DPF3: variants seen among roughly 807,000 people sequenced by gnomAD.
The protein encoded by DPF3 is double PHD fingers 3.
Under a neutral mutation model 56.8 loss-of-function variants are expected in DPF3, and 18 were observed. The observed-to-expected ratio is 0.32, with a 90% CI of 0.22 to 0.47. DPF3 has a LOEUF of 0.47. Among genes scored for constraint, DPF3 ranks in the 20% least tolerant of loss-of-function variants. DPF3 has a pLI of 1.00. For synonymous variants in DPF3, 188 were observed against 180.2 expected (o/e 1.04, Z -0.35); for missense variants, 403 against 488.8 (o/e 0.82, Z 1.65).
rs1430574219 is a variant in DPF3 at position 72,674,008 on chromosome 14, G to C, written c.871+232C>G. ...AAATATGCACCTCATGGAAAGGCCA[G>C]ACACAAACCCAAAACTTCTCTTTGC... On this transcript the variant is annotated intron_variant, in intron 8 of 10. Transcript: ENST00000556509. 19 of 561,730 alleles carry C rather than the reference G, an allele frequency of 3.4e-5. No individual in the cohort carries two copies. The East Asian group carries it at 6.1e-4, about 18-fold the overall frequency. The allele number at this position is 561,730 out of a possible 1,614,324, so 34.8% of individuals were successfully genotyped here.
intron 7 of DPF3, among the ~76,000 whole-genome samples, chr14:72,690,568 AC>A (rs1887634378): frequency 6.6e-6 from 1 of 151,368 alleles, no homozygotes; most frequent in South Asian, 2.1e-4. Context: ...ACGCACACAC[AC>A]AACGTACATA....
At chr14:72,760,530 TA>T (rs1891027203) in intron 2 of DPF3, among the ~76,000 whole-genome samples, 1 of 152,160 alleles carries the variant, frequency 6.6e-6, no homozygotes, top group East Asian at 1.9e-4. Context: ...TTTCAGTAAT[TA>T]AAATGTGGAT....
chr14:72,698,377 A>G (rs910062473), intron 6 of DPF3, among the ~76,000 whole-genome samples: 1 of 152,248 alleles, frequency 6.6e-6, no homozygotes, highest in African/African-American at 2.4e-5. Context: ...AGGCTAATGT[A>G]TATTTTCAAA....
At chr14:72,678,258 C>T (rs1887001589) in intron 7 of DPF3, among the ~76,000 whole-genome samples, 1 of 152,218 alleles carries the variant, frequency 6.6e-6, no homozygotes, top group South Asian at 2.1e-4. Context: ...CAGAGGTAAA[C>T]ACTTTGCAGC....
chr14:72,624,908 C>T (rs934275541), intron 9 of DPF3, among the ~76,000 whole-genome samples: 3 of 152,128 alleles, frequency 2.0e-5, no homozygotes, highest in African/African-American at 4.8e-5. Context: ...CGCATCATAT[C>T]GGGGGAAATT....
At chr14:72,853,034 C>CGTGTGTGTGTGTGTGT (rs10522943) in intron 1 of DPF3, among the ~76,000 whole-genome samples, 19,250 of 143,710 alleles carry the variant, frequency 0.13, 1,724 homozygotes, top group South Asian at 0.2. Flanking sequence ...CATAGCCTTG[C>CGTGTGTGTGTGTGTGT]GTGTGTGTGT....
intron 1 of DPF3, among the ~76,000 whole-genome samples, chr14:72,867,499 C>T (rs1435363107): frequency 6.6e-6 from 1 of 152,128 alleles, no homozygotes. Context: ...AACCTTCTCC[C>T]TCTCTGGCCG....
chr14:72,812,544 A>T (rs905436978), intron 1 of DPF3, among the ~76,000 whole-genome samples: 1 of 151,956 alleles, frequency 6.6e-6, no homozygotes, highest in Non-Finnish European at 1.5e-5. Context: ...AACACTTCCC[A>T]TGACGTCACC....
At position 72,814,952 on chromosome 14, in the gene DPF3, C is replaced by T. The variant is rs537773907; in HGVS notation, c.33-43059G>A. The stretch of plus-strand genomic sequence containing the variant: ...ATTTTCTTAAATAGGACATAAAATG[C>T]ATGAGTCGTAAAGGAAAAAAATTGA... On this transcript the variant is annotated intron_variant, in intron 1 of 10. Transcript: ENST00000556509. 4.6e-5 allele frequency among the ~76,000 whole-genome samples: 7 copies of T among 152,184 alleles called. No individual in the cohort carries two copies. The East Asian group carries it at 1.3e-3, about 29-fold the overall frequency.
chr14:72,732,501 G>T (rs1280358468), intron 3 of DPF3, among the ~76,000 whole-genome samples: 2 of 152,350 alleles, frequency 1.3e-5, no homozygotes, highest in East Asian at 1.9e-4. Flanking sequence ...GCCTCAGAAA[G>T]GTTGTTCTCT....
intron 1 of DPF3, among the ~76,000 whole-genome samples, chr14:72,892,964 G>A (rs1210028500): frequency 2.8e-5 from 2 of 71,196 alleles, no homozygotes; most frequent in African/African-American, 1.6e-4. Flanking sequence ...AGGAAGGAAG[G>A]AAGGAAGGAA....
At chr14:72,637,547 C>T (rs1314195731) in intron 8 of DPF3, among the ~76,000 whole-genome samples, 1 of 152,136 alleles carries the variant, frequency 6.6e-6, no homozygotes, top group Non-Finnish European at 1.5e-5. Flanking sequence ...AATCCAAACC[C>T]CTGCCCTCAA....
rs1884066657 is a variant in DPF3, at chr14:72,616,038, G to A, written c.*3259C>T. On this transcript the variant is annotated 3_prime_UTR_variant, in exon 11 of 11. Coordinates refer to ENST00000556509, the MANE Select transcript of DPF3 (RefSeq NM_001280542.3). Reference sequence around the variant, plus strand: ...TCATTATCTCCATTTGGTGGCCTCTGCAGAAAATGACAATAGCTACCATGG... The same window carrying A: ...TCATTATCTCCATTTGGTGGCCTCTACAGAAAATGACAATAGCTACCATGG... 6.6e-6 allele frequency among the ~76,000 whole-genome samples: 1 copy of A among 152,196 alleles called. No homozygotes were observed. The highest frequency in any genetic ancestry group is 2.1e-4 in the South Asian group (1 of 4,822).
intron 8 of DPF3, among the ~76,000 whole-genome samples, chr14:72,632,026 G>A (rs1467803528): frequency 6.6e-6 from 1 of 152,200 alleles, no homozygotes; most frequent in Non-Finnish European, 1.5e-5. Flanking sequence ...GGAAGAGAAA[G>A]GCCAGTGAGC....
At chr14:72,627,714 G>C (rs1450450506) in intron 9 of DPF3, among the ~76,000 whole-genome samples, 3 of 152,038 alleles carry the variant, frequency 2.0e-5, no homozygotes, top group Non-Finnish European at 4.4e-5. Context: ...TATTGGACCT[G>C]AGATAAATTT....
At chr14:72,872,217 G>A (rs1885928484) in intron 1 of DPF3, among the ~76,000 whole-genome samples, 1 of 151,826 alleles carries the variant, frequency 6.6e-6, no homozygotes, top group Non-Finnish European at 1.5e-5. Context: ...GGAGACCCTG[G>A]GCACCCACGA....
At position 72,611,850 on chromosome 14, in the gene DPF3, C is replaced by A. The variant is rs1485771919; in HGVS notation, c.*7447G>T. ...GATGCCTCCACCTGCTTGTCTTCTACTGAGGAACACGCATCCTCAACAGAG... is the reference window on the plus strand; with the variant it reads ...GATGCCTCCACCTGCTTGTCTTCTAATGAGGAACACGCATCCTCAACAGAG... On this transcript the variant is annotated 3_prime_UTR_variant, in exon 11 of 11. Coordinates refer to ENST00000556509, the MANE Select transcript of DPF3 (RefSeq NM_001280542.3). Among the ~76,000 whole-genome samples, 2 of 152,130 alleles carry A rather than the reference C, an allele frequency of 1.3e-5. No homozygotes were observed. The highest frequency in any genetic ancestry group is 2.9e-5 in the Non-Finnish European group (2 of 68,042).
At chr14:72,780,078 G>GTGAA (rs1441428707) in intron 1 of DPF3, among the ~76,000 whole-genome samples, 1 of 152,230 alleles carries the variant, frequency 6.6e-6, no homozygotes, top group Admixed American at 6.5e-5. Context: ...GAGTGAATGA[G>GTGAA]TGAATGAATG....
intron 9 of DPF3, among the ~76,000 whole-genome samples, chr14:72,627,681 TAA>T (rs1389839994): frequency 6.6e-6 from 1 of 152,056 alleles, no homozygotes; most frequent in Admixed American, 6.5e-5. Context: ...TCTAACTCCA[TAA>T]AAAAAGTTTG....
Sources: gnomAD v4.1 joint callset for allele counts (sites outside exome capture counted in the v4.1 genomes callset) on GRCh38, gnomAD v4.1.1 for gene constraint, MANE v1.5 for transcripts, NCBI Gene and HGNC (gene_info 2026-07-23, HGNC 2026-07-21) for gene names.